Variants in CEP112 observed in about 807,000 individuals in gnomAD.
The protein encoded by CEP112 is centrosomal protein of 112 kDa.
Under a neutral mutation model 153.0 loss-of-function variants are expected in CEP112, and 127 were observed. The ratio of observed to expected loss-of-function variants is 0.83; its 90% confidence interval spans 0.72 to 0.96. The LOEUF is 0.96. Among genes scored for constraint, CEP112 ranks in the 40% least tolerant of loss-of-function variants. The probability of loss-of-function intolerance (pLI) is 0.00; values close to 1 mark genes in which losing one functional copy is unlikely to be tolerated. For synonymous variants in CEP112, 358 were observed against 374.4 expected (o/e 0.96, Z 0.51); for missense variants, 1,089 against 1,101.2 (o/e 0.99, Z 0.16).
intron 12 of CEP112, among the ~76,000 whole-genome samples, chr17:66,040,654 C>T (rs931651908): frequency 2.0e-5 from 3 of 151,490 alleles, no homozygotes; most frequent in East Asian, 3.9e-4. Flanking sequence ...CCACGCTTGG[C>T]GAATTGTTGT....
At chr17:65,786,067 T>C (rs2054260180) in intron 21 of CEP112, among the ~76,000 whole-genome samples, 1 of 152,342 alleles carries the variant, frequency 6.6e-6, no homozygotes, top group South Asian at 2.1e-4. Context: ...TGAATGCCTT[T>C]TCATTTATTT....
At chr17:65,981,497 T>C in intron 17 of CEP112, among the ~76,000 whole-genome samples, 1 of 152,218 alleles carries the variant, frequency 6.6e-6, no homozygotes, top group Non-Finnish European at 1.5e-5. Flanking sequence ...CAGGCTTAAG[T>C]CCAAAGTGAA....
chr17:65,963,372 G>A (rs11079609), intron 17 of CEP112, among the ~76,000 whole-genome samples: 72,952 of 151,944 alleles, frequency 0.48, 18,506 homozygotes, highest in East Asian at 0.89. Context: ...AATCTTTTAA[G>A]ACTTGGGCAA....
intron 24 of CEP112, among the ~76,000 whole-genome samples, chr17:65,665,527 C>T (rs1030004832): frequency 6.6e-6 from 1 of 152,186 alleles, no homozygotes; most frequent in African/African-American, 2.4e-5. Context: ...ACAGAACTTT[C>T]TCTTTTCTTC....
At chr17:65,756,107 C>T (rs746765568) in intron 21 of CEP112, among the ~76,000 whole-genome samples, 1 of 152,040 alleles carries the variant, frequency 6.6e-6, no homozygotes, top group Non-Finnish European at 1.5e-5. Context: ...GTAATAGCCA[C>T]AGAGTCAAGA....
At chr17:65,685,304 A>G (rs1405230557) in intron 24 of CEP112, among the ~76,000 whole-genome samples, 1 of 152,230 alleles carries the variant, frequency 6.6e-6, no homozygotes, top group African/African-American at 2.4e-5. Context: ...TATAGAATCA[A>G]AACATAGACA....
intron 18 of CEP112, among the ~76,000 whole-genome samples, chr17:65,959,616 C>G (rs1398096025): frequency 6.6e-6 from 1 of 152,178 alleles, no homozygotes; most frequent in Non-Finnish European, 1.5e-5. Flanking sequence ...GTTCTTGGCT[C>G]CTCCTTGGGT....
At chr17:66,074,873 G>GAAAAAAA (rs1242846957) in intron 8 of CEP112, among the ~76,000 whole-genome samples, 1 of 91,280 alleles carries the variant, frequency 1.1e-5, no homozygotes, top group Non-Finnish European at 2.3e-5. Flanking sequence ...AAAAAAAAAA[G>GAAAAAAA]AAAAAAAAAA....
rs185018623 is a variant in CEP112, at chr17:65,673,330, C to G, written c.2697+15799G>C. 1.8e-3 allele frequency among the ~76,000 whole-genome samples: 267 copies of G among 152,272 alleles called. 2 individuals carry two copies. Among genetic ancestry groups the G allele is most frequent in the African/African-American group, 6.1e-3 (254 of 41,554 alleles). On this transcript the variant is annotated intron_variant, in intron 24 of 26. Coordinates refer to ENST00000535342, the MANE Select transcript of CEP112 (RefSeq NM_001199165.4). ...TAGGCTTCAAATCTCTCTAGCCCCC[C>G]CGCCCTCTTTTGCCACATTTGCCAT... is the stretch of plus-strand genomic sequence containing the variant.
At chr17:65,866,705 C>T (rs1598824509) in intron 20 of CEP112, among the ~76,000 whole-genome samples, 1 of 152,100 alleles carries the variant, frequency 6.6e-6, no homozygotes, top group African/African-American at 2.4e-5. Context: ...CCTCAGGGTC[C>T]CCTCTCTGCT....
chr17:65,646,274 T>G (rs1371639733), intron 24 of CEP112, among the ~76,000 whole-genome samples: 2 of 152,242 alleles, frequency 1.3e-5, no homozygotes, highest in Admixed American at 6.5e-5. Flanking sequence ...TCCTTTATTC[T>G]TAGTTTTTGT....
At chr17:66,106,545 G>T (rs1242137842) in intron 6 of CEP112, among the ~76,000 whole-genome samples, 1 of 151,896 alleles carries the variant, frequency 6.6e-6, no homozygotes, top group African/African-American at 2.4e-5. Flanking sequence ...AAACTGAAAA[G>T]AAATGTATAA....
At chr17:65,701,756 C>T (rs1223730221) in intron 23 of CEP112, among the ~76,000 whole-genome samples, 1 of 152,180 alleles carries the variant, frequency 6.6e-6, no homozygotes, top group Admixed American at 6.5e-5. Flanking sequence ...TTCCCTTCCA[C>T]CTGTCCTGCT....
At chr17:65,941,418 C>A (rs1223772076) in intron 18 of CEP112, 1 of 152,034 alleles carries the variant, frequency 6.6e-6, no homozygotes, top group Non-Finnish European at 1.5e-5. Context: ...GATATTATAA[C>A]AAAACAAAAT....
chr17:65,687,830 AGAAT>A (rs1055471802), intron 24 of CEP112, among the ~76,000 whole-genome samples: 1 of 152,208 alleles, frequency 6.6e-6, no homozygotes, highest in African/African-American at 2.4e-5. Flanking sequence ...CCCCAAATTC[AGAAT>A]AAGCTAATAT....
At chr17:66,004,252 C>T (rs879916792) in intron 17 of CEP112, among the ~76,000 whole-genome samples, 4 of 151,856 alleles carry the variant, frequency 2.6e-5, no homozygotes, top group Non-Finnish European at 4.4e-5. Context: ...GAGGCCGAGG[C>T]GGGCGGATCA....
rs1399809197 is a variant in CEP112, at chr17:66,191,390, C to T, written c.-9+607G>A. On this transcript the variant is annotated intron_variant, in intron 1 of 26. Coordinates refer to ENST00000535342, the MANE Select transcript of CEP112 (RefSeq NM_001199165.4). This position sits in a 1 kb window ranked among gnomAD's most constrained non-coding sequence, Gnocchi z 4.2. ...CCGTGCAATGATCAGAAAAGCTGTTCACATTTACTTATGTCGTTCTCTTGA... is the reference window on the plus strand; with the variant it reads ...CCGTGCAATGATCAGAAAAGCTGTTTACATTTACTTATGTCGTTCTCTTGA... 1.3e-5 allele frequency among the ~76,000 whole-genome samples: 2 copies of T among 152,320 alleles called. No homozygotes were observed. Among genetic ancestry groups the T allele is most frequent in the Admixed American group, 1.3e-4 (2 of 15,306 alleles).
At chr17:65,937,050 G>A (rs1046069143) in intron 18 of CEP112, among the ~76,000 whole-genome samples, 27 of 149,332 alleles carry the variant, frequency 1.8e-4, no homozygotes, top group South Asian at 1.8e-3. Flanking sequence ...GCTCCTCACC[G>A]CGAGTGATCC....
chr17:65,965,267 C>T (rs1396912808), intron 17 of CEP112, among the ~76,000 whole-genome samples: 2 of 152,092 alleles, frequency 1.3e-5, no homozygotes, highest in Non-Finnish European at 2.9e-5. Flanking sequence ...AAACCTTGCA[C>T]AATAAGGCAC....
Sources: gnomAD v4.1 joint callset for allele counts (sites outside exome capture counted in the v4.1 genomes callset) on GRCh38, gnomAD v4.1.1 for gene constraint, Gnocchi (gnomAD v3.1) non-coding constraint, MANE v1.5 for transcripts, NCBI Gene and HGNC (gene_info 2026-07-23, HGNC 2026-07-21) for gene names.